The following KCNS3 variants were observed in gnomAD, a reference collection of about 807,000 sequenced individuals.
The protein encoded by KCNS3 is potassium voltage-gated channel modifier subfamily S member 3.
A neutral mutation model predicts 31.0 loss-of-function variants in KCNS3; 13 were observed. That is an observed-to-expected ratio of 0.42 (90% CI 0.27 to 0.67). The LOEUF (loss-of-function observed/expected upper bound fraction) is 0.67. KCNS3 is among the 30% of genes least tolerant of loss of function. KCNS3 has a pLI of 0.25. For missense variants in KCNS3, 545 were observed against 622.4 expected, an observed-to-expected ratio of 0.88 and a Z score of 1.32; for synonymous variants, 238 against 241.5, an observed-to-expected ratio of 0.99 and a Z score of 0.13.
chr2:17,879,850 G>C (rs56884760), intron 1 of KCNS3, among the ~76,000 whole-genome samples: 71,469 of 152,034 alleles, frequency 0.47, 18,532 homozygotes, highest in East Asian at 0.97. Flanking sequence ...ATGACCCAGG[G>C]GCCCTGGTTT....
chr2:17,884,288 T>A (rs999311126), intron 1 of KCNS3, among the ~76,000 whole-genome samples: 3 of 137,678 alleles, frequency 2.2e-5, no homozygotes, highest in Admixed American at 7.5e-5. Flanking sequence ...TATATATATA[T>A]ATATATATAT....
chr2:17,916,509 TTTGGC>T (rs1662589251), intron 1 of KCNS3, among the ~76,000 whole-genome samples: 1 of 152,198 alleles, frequency 6.6e-6, no homozygotes, highest in South Asian at 2.1e-4. Flanking sequence ...TGGAGCTGCA[TTTGGC>T]TTCTGGATCT....
intron 1 of KCNS3, among the ~76,000 whole-genome samples, chr2:17,882,666 A>G (rs1674668265): frequency 6.6e-6 from 1 of 152,036 alleles, no homozygotes; most frequent in Non-Finnish European, 1.5e-5. Context: ...GAAAGAGGAG[A>G]AGAGTGTTGT....
At chr2:17,908,994 C>T (rs1662407183) in intron 1 of KCNS3, among the ~76,000 whole-genome samples, 1 of 152,222 alleles carries the variant, frequency 6.6e-6, no homozygotes, top group African/African-American at 2.4e-5. Context: ...AGCTGTCAGA[C>T]AGGGACATTT....
At chr2:17,904,815 C>G (rs1662277229) in intron 1 of KCNS3, among the ~76,000 whole-genome samples, 1 of 152,120 alleles carries the variant, frequency 6.6e-6, no homozygotes, top group Non-Finnish European at 1.5e-5. Context: ...TTCCATTGGT[C>G]TATATCTCTG....
intron 1 of KCNS3, among the ~76,000 whole-genome samples, chr2:17,912,678 C>G (rs1012716208): frequency 6.6e-6 from 1 of 152,196 alleles, no homozygotes; most frequent in African/African-American, 2.4e-5. Flanking sequence ...AAACATAGAG[C>G]AGGAGGAAAG....
chr2:17,920,414 T>G (rs1197679294), intron 2 of KCNS3, among the ~76,000 whole-genome samples: 1 of 152,190 alleles, frequency 6.6e-6, no homozygotes, highest in Non-Finnish European at 1.5e-5. Flanking sequence ...TAGGTGAGTT[T>G]GAGAGCATGA....
chr2:17,886,546 C>G (rs149598901), intron 1 of KCNS3, among the ~76,000 whole-genome samples: 4 of 152,240 alleles, frequency 2.6e-5, no homozygotes, highest in East Asian at 3.9e-4. Context: ...TCAGATGTTA[C>G]GAAGATGAGA....
intron 1 of KCNS3, among the ~76,000 whole-genome samples, chr2:17,888,659 AT>A: frequency 7.3e-6 from 1 of 137,890 alleles, no homozygotes; most frequent in Non-Finnish European, 1.6e-5. Context: ...ATATATATAT[AT>A]ATATATATAT....
At position 17,928,012 on chromosome 2, in the gene KCNS3, A is replaced by G. The variant is rs552529069; in HGVS notation, c.-59-2938A>G. ...AACCTTGAGTACATGTTCTCAGGAT[A>G]TGCTGAGGGCTATGTCACAGGCCAT... On this transcript the variant is annotated intron_variant, in intron 2 of 2. Coordinates refer to ENST00000304101, the MANE Select transcript of KCNS3 (RefSeq NM_002252.5). Among the ~76,000 whole-genome samples, 43 of 152,336 alleles carry G rather than the reference A, an allele frequency of 2.8e-4. 2 individuals are homozygous for G. Among genetic ancestry groups the G allele is most frequent in the Non-Finnish European group, 5.0e-4 (34 of 68,028 alleles).
chr2:17,920,983 C>T (rs1662691948), intron 2 of KCNS3, among the ~76,000 whole-genome samples: 1 of 152,184 alleles, frequency 6.6e-6, no homozygotes, highest in African/African-American at 2.4e-5. Context: ...CCTCAGATGT[C>T]CCCATTTGCA....
Position 17,887,969 on chromosome 2 carries a change from C to T in KCNS3, c.-252+9163C>T, listed in dbSNP as rs1171760757. On this transcript the variant is annotated intron_variant, in intron 1 of 2. Transcript: ENST00000304101. ...ATATGTTTGTTGGCCATTTGTATAT[C>T]TTCTTTTGAGAATTGTCTATTTATG... Among the ~76,000 whole-genome samples the T allele has an allele frequency of 3.9e-5, 6 of 151,970 alleles. No individual in the cohort carries two copies. In the East Asian group the frequency reaches 1.2e-3, roughly 29 times the overall value.
intron 1 of KCNS3, among the ~76,000 whole-genome samples, chr2:17,881,176 T>G (rs1366128734): frequency 6.6e-6 from 1 of 152,004 alleles, no homozygotes; most frequent in Non-Finnish European, 1.5e-5. Context: ...GCATGTTGAG[T>G]CAGATGGGAG....
At chr2:17,913,955 G>A (rs993252430) in intron 1 of KCNS3, among the ~76,000 whole-genome samples, 2 of 152,156 alleles carry the variant, frequency 1.3e-5, no homozygotes, top group East Asian at 1.9e-4. Flanking sequence ...CAATAGTGCC[G>A]AGGCTGAGAC....
intron 1 of KCNS3, among the ~76,000 whole-genome samples, chr2:17,912,069 C>T (rs543887678): frequency 3.9e-5 from 6 of 152,276 alleles, no homozygotes; most frequent in Admixed American, 2.6e-4. Flanking sequence ...TTAATCATTC[C>T]TCTATTGATG....
At chr2:17,906,043 C>T (rs1423441846) in intron 1 of KCNS3, among the ~76,000 whole-genome samples, 2 of 152,294 alleles carry the variant, frequency 1.3e-5, no homozygotes, top group South Asian at 2.1e-4. Context: ...ATGGTACCAG[C>T]TCCTCCTTGT....
At chr2:17,894,464 C>A (rs1359629068) in intron 1 of KCNS3, among the ~76,000 whole-genome samples, 1 of 152,142 alleles carries the variant, frequency 6.6e-6, no homozygotes, top group African/African-American at 2.4e-5. Flanking sequence ...GTGTAACAGA[C>A]AATAACAGTC....
At chr2:17,901,721 G>A (rs372614301) in intron 1 of KCNS3, among the ~76,000 whole-genome samples, 20 of 152,186 alleles carry the variant, frequency 1.3e-4, no homozygotes, top group African/African-American at 3.9e-4. Flanking sequence ...GAGGCCTGCA[G>A]ATTGTGTCCA....
chr2:17,889,768 G>C (rs1661794162), intron 1 of KCNS3, among the ~76,000 whole-genome samples: 2 of 152,048 alleles, frequency 1.3e-5, no homozygotes, highest in Admixed American at 1.3e-4. Context: ...TGGCATCCCT[G>C]GTATGAAATC....
Sources: allele counts gnomAD v4.1 joint callset (sites outside exome capture counted in the v4.1 genomes callset), GRCh38; gene constraint gnomAD v4.1.1; transcripts MANE v1.5; gene names NCBI Gene and HGNC (gene_info 2026-07-23, HGNC 2026-07-21).